GARIN1B: variants seen among roughly 807,000 people sequenced by gnomAD.
GARIN1B encodes golgi associated RAB2 interactor 1B.
At chr7:128,722,759 G>A in the GARIN1B span, among the ~76,000 whole-genome samples, 109 of 151,800 alleles carry the variant, frequency 7.2e-4, no homozygotes, top group Admixed American at 6.4e-3. Context: ...AGCCGAGATC[G>A]CACCACTGCA....
chr7:128,726,995 C>T, the GARIN1B span: 2 of 828,642 alleles, frequency 2.4e-6, no homozygotes, highest in East Asian at 5.2e-5. Flanking sequence ...TCCTTCCATG[C>T]CTTAGTTTGA....
chr7:128,711,224 G>C, the GARIN1B span, among the ~76,000 whole-genome samples: 9 of 151,806 alleles, frequency 5.9e-5, no homozygotes, highest in Admixed American at 3.3e-4. Flanking sequence ...AAGAAATAGT[G>C]ACTATTTTAA....
At chr7:128,711,136 G>A in the GARIN1B span, among the ~76,000 whole-genome samples, 1 of 151,996 alleles carries the variant, frequency 6.6e-6, no homozygotes, top group Non-Finnish European at 1.5e-5. Flanking sequence ...ATATGCAGTC[G>A]TCATGTGTAC....
At chr7:128,709,254 CTT>C in the GARIN1B span, 2 of 152,174 alleles carry the variant, frequency 1.3e-5, no homozygotes, top group African/African-American at 4.8e-5. Flanking sequence ...ACTTTGGGGT[CTT>C]TGACTACCTG....
chr7:128,710,799 A>C, the GARIN1B span, among the ~76,000 whole-genome samples: 28 of 151,642 alleles, frequency 1.8e-4, no homozygotes, highest in South Asian at 1.0e-3. Context: ...GATTACAGCC[A>C]TGTGCCACCA....
the GARIN1B span, among the ~76,000 whole-genome samples, chr7:128,711,693 ACAC>A: frequency 6.7e-6 from 1 of 149,756 alleles, no homozygotes; most frequent in African/African-American, 2.4e-5. Context: ...ACACACACAC[ACAC>A]ACTTACAGTG....
chr7:128,724,978 T>C, the GARIN1B span: 9 of 883,974 alleles, frequency 1.0e-5, no homozygotes, highest in South Asian at 1.4e-4. Context: ...AAAATGGAAA[T>C]GAAAATAGTG....
At chr7:128,715,531 G>A in the GARIN1B span, 3 of 1,614,012 alleles carry the variant, frequency 1.9e-6, no homozygotes, top group East Asian at 2.2e-5. Context: ...TCCCTTCCCT[G>A]AATGCCTGGG....
chr7:128,723,121 T>C, the GARIN1B span: 5 of 1,450,882 alleles, frequency 3.4e-6, no homozygotes, highest in African/African-American at 7.1e-5. Flanking sequence ...CACTTTAGAG[T>C]CTGGACCATG....
chr7:128,712,798 C>T, the GARIN1B span, among the ~76,000 whole-genome samples: 1 of 152,208 alleles, frequency 6.6e-6, no homozygotes, highest in Non-Finnish European at 1.5e-5. Context: ...ATATAACTTT[C>T]CCCAGAAGCT....
chr7:128,728,229 G>A, the GARIN1B span, among the ~76,000 whole-genome samples: 1 of 152,142 alleles, frequency 6.6e-6, no homozygotes, highest in Non-Finnish European at 1.5e-5. Context: ...GGATCACGAG[G>A]TTAGGAGTTC....
chr7:128,715,356 C>A, the GARIN1B span: 1 of 1,553,884 alleles, frequency 6.4e-7, no homozygotes, highest in Non-Finnish European at 8.7e-7. Flanking sequence ...ACTGGTGGTC[C>A]CAGGGCTTGG....
the GARIN1B span, among the ~76,000 whole-genome samples, chr7:128,718,547 C>T: frequency 1.3e-5 from 2 of 152,062 alleles, no homozygotes; most frequent in Non-Finnish European, 2.9e-5. Flanking sequence ...CTAGGGCACA[C>T]GAGAATCATG....
the GARIN1B span, among the ~76,000 whole-genome samples, chr7:128,718,289 G>A: frequency 2.6e-3 from 398 of 152,086 alleles, 3 homozygotes; most frequent in Non-Finnish European, 4.0e-3. Flanking sequence ...AAAATTAGAC[G>A]GGCCTGGTGG....
the GARIN1B span, chr7:128,716,760 C>T: frequency 1.3e-6 from 2 of 1,496,186 alleles, no homozygotes; most frequent in South Asian, 2.6e-5. Flanking sequence ...TGGGCTGAAA[C>T]AGACTGCAGC....
chr7:128,713,670 C>T, the GARIN1B span, among the ~76,000 whole-genome samples: 1 of 152,226 alleles, frequency 6.6e-6, no homozygotes, highest in East Asian at 1.9e-4. Flanking sequence ...TGCTCACAAT[C>T]AGCTTTCTAG....
the GARIN1B span, among the ~76,000 whole-genome samples, chr7:128,714,512 A>C: frequency 6.6e-6 from 1 of 151,814 alleles, no homozygotes; most frequent in Non-Finnish European, 1.5e-5. Flanking sequence ...CGGGAGGCAG[A>C]GGTTGTGGTG....
chr7:128,717,607 T>C, the GARIN1B span, among the ~76,000 whole-genome samples: 7 of 151,638 alleles, frequency 4.6e-5, no homozygotes, highest in African/African-American at 1.7e-4. Flanking sequence ...CCACCACACC[T>C]GGATAATTTT....
the GARIN1B span, chr7:128,731,021 A>G: frequency 3.1e-6 from 4 of 1,310,960 alleles, no homozygotes; most frequent in Non-Finnish European, 2.2e-6. Flanking sequence ...TTAAATTAGC[A>G]TAAGTATCTG....
Sources: allele counts gnomAD v4.1 joint callset (sites outside exome capture counted in the v4.1 genomes callset), GRCh38; gene constraint gnomAD v4.1.1; transcripts MANE v1.5; gene names NCBI Gene and HGNC (gene_info 2026-07-23, HGNC 2026-07-21).